ZNF410: variants seen among roughly 807,000 people sequenced by gnomAD.
ZNF410 encodes another partner for ARF 1.
Under a neutral mutation model 54.8 loss-of-function variants are expected in ZNF410, and 18 were observed. The ratio of observed to expected loss-of-function variants is 0.33; its 90% CI spans 0.23 to 0.49. The LOEUF is 0.49. ZNF410 is among the 20% of genes least tolerant of loss of function. ZNF410 has a pLI of 0.99. For missense variants in ZNF410, 405 were observed against 569.6 expected (o/e 0.71, Z 2.94); for synonymous variants, 191 against 207.3 (o/e 0.92, Z 0.68).
intron 3 of ZNF410, among the ~76,000 whole-genome samples, chr14:73,894,720 C>T (rs552421819): frequency 6.6e-6 from 1 of 152,134 alleles, no homozygotes; most frequent in African/African-American, 2.4e-5. Flanking sequence ...AGCCACTGCG[C>T]CAGGCCTATC....
At chr14:73,889,282 C>T (rs2055187201) in intron 1 of ZNF410, among the ~76,000 whole-genome samples, 1 of 151,996 alleles carries the variant, frequency 6.6e-6, no homozygotes, top group South Asian at 2.1e-4. Context: ...TAAAGCAATC[C>T]TCCTACTCAG....
Position 73,905,073 on chromosome 14 carries a change from C to T in ZNF410, c.903C>T (p.Arg301=). The change falls in exon 7 of 12, where the codon CGC becomes CGT. Residue 301 remains arginine (R), a synonymous_variant. Transcript: ENST00000555044. ...CTGGAAACCTGAAGAACCACCGGCGCATCCACACAGGTGTGTGCAGCACCA... is the reference window on the plus strand; with the variant it reads ...CTGGAAACCTGAAGAACCACCGGCGTATCCACACAGGTGTGTGCAGCACCA... The part of the protein sequence containing the change: ...TTAGNLKNHR[R]IHTGEKPFLC... 1 of 1,612,848 alleles carries T rather than the reference C, an allele frequency of 6.2e-7. No homozygotes were observed. Among genetic ancestry groups the T allele is most frequent in the Middle Eastern group, 1.9e-4 (1 of 5,236 alleles).
chr14:73,921,549 C>G (rs1278128238), intron 9 of ZNF410, among the ~76,000 whole-genome samples: 3 of 152,164 alleles, frequency 2.0e-5, no homozygotes, highest in Non-Finnish European at 4.4e-5. Context: ...GCCATCTCGA[C>G]TCACTGCAAC....
intron 11 of ZNF410, among the ~76,000 whole-genome samples, 187 bp from the exon 12 acceptor site, chr14:73,931,316 T>C (rs2055910717): frequency 6.6e-6 from 1 of 152,196 alleles, no homozygotes; most frequent in South Asian, 2.1e-4. Context: ...ATGACATGGC[T>C]AAAGTGCTGT....
intron 1 of ZNF410, among the ~76,000 whole-genome samples, chr14:73,891,288 T>G (rs1442415115): frequency 1.3e-5 from 2 of 152,082 alleles, no homozygotes; most frequent in African/African-American, 4.8e-5. Context: ...AGTATATAAT[T>G]TTGTATTTTA....
intron 5 of ZNF410, among the ~76,000 whole-genome samples, chr14:73,900,759 G>GC (rs5809636): frequency 1 from 152,353 of 152,354 alleles, 76,176 homozygotes; most frequent in Non-Finnish European, 1. Flanking sequence ...CGGCCTGTGG[G>GC]CACGTGTGGC....
At chr14:73,924,568 C>T (rs2055800508) in intron 11 of ZNF410, 2 of 366,652 alleles carry the variant, frequency 5.5e-6, no homozygotes, top group African/African-American at 2.2e-5. Flanking sequence ...TGGATGACTT[C>T]ATCACGAGCA....
chr14:73,918,997 C>CT (rs906481832), intron 8 of ZNF410, among the ~76,000 whole-genome samples: 945 of 60,632 alleles, frequency 0.016, 165 homozygotes, highest in African/African-American at 0.028. Flanking sequence ...CGTGCCCGGC[C>CT]TTTTTTTTTT....
At chr14:73,913,439 C>T (rs1275970415) in intron 8 of ZNF410, 1 of 152,184 alleles carries the variant, frequency 6.6e-6, no homozygotes, top group Non-Finnish European at 1.5e-5. Context: ...TACTGTTACT[C>T]CTTTCCCTGG....
chr14:73,918,137 C>A (rs918869854), intron 8 of ZNF410, among the ~76,000 whole-genome samples: 1 of 152,040 alleles, frequency 6.6e-6, no homozygotes, highest in Non-Finnish European at 1.5e-5. Flanking sequence ...TAGATGGAGT[C>A]TCGCTCTGTT....
At chr14:73,911,389 A>G (rs541846585) in intron 8 of ZNF410, among the ~76,000 whole-genome samples, 1 of 152,326 alleles carries the variant, frequency 6.6e-6, no homozygotes, top group East Asian at 1.9e-4. Flanking sequence ...TTATGAGGAA[A>G]GCAAGCTACT....
chr14:73,929,832 A>G (rs1015160179), intron 11 of ZNF410, among the ~76,000 whole-genome samples: 2 of 152,140 alleles, frequency 1.3e-5, no homozygotes, highest in African/African-American at 2.4e-5. Context: ...AAAAGAAGAA[A>G]AATTACCATG....
chr14:73,906,579 C>G (rs2055494198), intron 7 of ZNF410, among the ~76,000 whole-genome samples: 2 of 152,180 alleles, frequency 1.3e-5, no homozygotes, highest in African/African-American at 4.8e-5. Context: ...CTCCTGGGTT[C>G]AAGCTTTTCT....
intron 7 of ZNF410, among the ~76,000 whole-genome samples, chr14:73,905,847 T>G (rs1010931307): frequency 2.0e-5 from 3 of 151,572 alleles, no homozygotes; most frequent in Admixed American, 2.0e-4. Context: ...AAAATGCATA[T>G]ATAAAAATAT....
intron 8 of ZNF410, among the ~76,000 whole-genome samples, chr14:73,912,663 G>A (rs933348039): frequency 3.9e-5 from 6 of 152,182 alleles, no homozygotes; most frequent in Non-Finnish European, 7.3e-5. Flanking sequence ...GGCAAGACAG[G>A]ATAAATATGT....
chr14:73,927,203 A>G, intron 11 of ZNF410: 1 of 250,946 alleles, frequency 4.0e-6, no homozygotes, highest in Admixed American at 4.4e-5. Flanking sequence ...CTTCTGCCTC[A>G]GCCTCCTGAG....
intron 8 of ZNF410, 187 bp downstream of exon 8, chr14:73,909,617 A>G (rs1004037170): frequency 5.3e-5 from 25 of 473,814 alleles, no homozygotes; most frequent in South Asian, 2.1e-4. Context: ...TGGGGGGGGG[A>G]CATCTAATTA....
At position 73,893,827 on chromosome 14, in the gene ZNF410, A is replaced by G. The variant is rs766673461; in HGVS notation, c.64A>G (p.Ile22Val). ...LLVQFVQNTS[I>V]PLGQGLVESE... ...GGTACAGTTTGTTCAGAATACGTCCATCCCATTGGGACAGGGGCTTGTAGA... is the reference window on the plus strand; with the variant it reads ...GGTACAGTTTGTTCAGAATACGTCCGTCCCATTGGGACAGGGGCTTGTAGA... Residue 22 changes from isoleucine (I) to valine (V), a missense_variant, in exon 3 of 12, where the codon ATC becomes GTC. Transcript: ENST00000555044. 1.2e-6 allele frequency: 2 copies of G among 1,613,542 alleles called. No homozygotes were observed. The highest frequency in any genetic ancestry group is 8.5e-7 in the Non-Finnish European group (1 of 1,179,864).
intron 1 of ZNF410, among the ~76,000 whole-genome samples, chr14:73,890,668 A>G (rs2055215441): frequency 1.3e-5 from 2 of 152,234 alleles, no homozygotes; most frequent in Non-Finnish European, 1.5e-5. Context: ...AAATGGACTC[A>G]CATTCCAAAA....
Sources: gnomAD v4.1 joint callset for allele counts (sites outside exome capture counted in the v4.1 genomes callset) on GRCh38, gnomAD v4.1.1 for gene constraint, MANE v1.5 for transcripts, NCBI Gene and HGNC (gene_info 2026-07-23, HGNC 2026-07-21) for gene names.